Variants in BBS9 observed in about 807,000 individuals in gnomAD.
BBS9 encodes the protein Bardet-Biedl syndrome 9, also known as protein PTHB1.
A neutral mutation model predicts 117.7 loss-of-function variants in BBS9; 89 were observed. That is an observed-to-expected ratio of 0.76 (90% CI 0.64 to 0.90). BBS9 has a LOEUF of 0.90. Among genes scored for constraint, BBS9 ranks in the 40% least tolerant of loss-of-function variants. BBS9 has a pLI of 0.00. For missense variants in BBS9, 982 were observed against 1,042.2 expected, an observed-to-expected ratio of 0.94 and a Z score of 0.80; for synonymous variants, 379 against 370.9, an observed-to-expected ratio of 1.02 and a Z score of -0.25.
At position 33,568,192 on chromosome 7, in the gene BBS9, A is replaced by G. The variant is rs564128266; in HGVS notation, c.2521+34016A>G. 1.9e-3 allele frequency among the ~76,000 whole-genome samples: 293 copies of G among 152,186 alleles called. 3 individuals carry two copies. Among genetic ancestry groups the G allele is most frequent in the African/African-American group, 6.6e-3 (274 of 41,524 alleles). ...CTAGCCTTGTCTCTCAGCACTCCCCATACCAGTGCATGACATGGATTTTTC... is the reference window on the plus strand; with the variant it reads ...CTAGCCTTGTCTCTCAGCACTCCCCGTACCAGTGCATGACATGGATTTTTC... On this transcript the variant is annotated intron_variant, in intron 21 of 22. Transcript: ENST00000242067.
intron 19 of BBS9, among the ~76,000 whole-genome samples, chr7:33,407,664 C>T (rs1439471368): frequency 1.3e-5 from 2 of 152,226 alleles, no homozygotes; most frequent in African/African-American, 4.8e-5. Flanking sequence ...ACAGGACCCT[C>T]AGCTGCAGGT....
chr7:33,296,312 T>A (rs762615595), intron 9 of BBS9, among the ~76,000 whole-genome samples: 24 of 152,318 alleles, frequency 1.6e-4, no homozygotes, highest in Non-Finnish European at 2.8e-4. Context: ...ATACCGTATG[T>A]GTAAAACAAT....
At chr7:33,350,969 C>T (rs773949104) in intron 13 of BBS9, among the ~76,000 whole-genome samples, 35 of 152,192 alleles carry the variant, frequency 2.3e-4, no homozygotes, top group Non-Finnish European at 1.5e-4. Flanking sequence ...GTTGGGATTA[C>T]AGGCGTGAGC....
At chr7:33,314,366 T>G in intron 9 of BBS9, 2 of 374,638 alleles carry the variant, frequency 5.3e-6, no homozygotes, top group Non-Finnish European at 1.0e-5. Context: ...TTCTTGGCAT[T>G]TATACATTCA....
At chr7:33,281,234 T>A (rs1562931674) in intron 9 of BBS9, among the ~76,000 whole-genome samples, 1 of 151,860 alleles carries the variant, frequency 6.6e-6, no homozygotes, top group Non-Finnish European at 1.5e-5. Flanking sequence ...TTTTTTTTGG[T>A]GAGTTAAAAA....
chr7:33,488,093 G>A (rs949848217), intron 19 of BBS9, among the ~76,000 whole-genome samples: 6 of 152,184 alleles, frequency 3.9e-5, no homozygotes, highest in African/African-American at 1.4e-4. Flanking sequence ...TGTCACTCCA[G>A]CTTCAAGCTC....
intron 21 of BBS9, among the ~76,000 whole-genome samples, chr7:33,620,538 G>T (rs1865355147): frequency 6.6e-6 from 1 of 151,688 alleles, no homozygotes; most frequent in Non-Finnish European, 1.5e-5. Context: ...TTTAGCCAAG[G>T]AGGTGAAAGA....
At chr7:33,351,844 C>A (rs1453413534) in intron 14 of BBS9, 1 of 172,010 alleles carries the variant, frequency 5.8e-6, no homozygotes, top group African/African-American at 2.4e-5. Flanking sequence ...GGCCCCACCC[C>A]ATTTCCCCAG....
intron 21 of BBS9, among the ~76,000 whole-genome samples, chr7:33,600,016 T>C (rs1863553709): frequency 6.6e-6 from 1 of 152,190 alleles, no homozygotes; most frequent in South Asian, 2.1e-4. Context: ...GGAAAGCCCA[T>C]TTTGTTGCCA....
intron 9 of BBS9, among the ~76,000 whole-genome samples, chr7:33,328,505 CT>C (rs1430001821): frequency 6.6e-6 from 1 of 152,190 alleles, no homozygotes; most frequent in Non-Finnish European, 1.5e-5. Flanking sequence ...GCTGTGTGAA[CT>C]GAGTGTGGCT....
Position 33,336,352 on chromosome 7 carries a change from T to C in BBS9, c.1017-89T>C. On this transcript the variant is annotated intron_variant, in intron 9 of 22. Coordinates refer to ENST00000242067, the MANE Select transcript of BBS9 (RefSeq NM_198428.3). The stretch of plus-strand genomic sequence containing the variant: ...ATATAGTTATTTTCTTAATGGTGTG[T>C]TGATGCTGAATTGAGTAAAAATGTA... 1.6e-5 allele frequency: 15 copies of C among 925,158 alleles called. No individual in the cohort carries two copies. In the South Asian group the frequency reaches 2.1e-4, roughly 13 times the overall value. The allele number at this position is 925,158 out of a possible 1,614,324, so 57.3% of individuals were successfully genotyped here. A position where few individuals can be genotyped will look rare whatever the true frequency, so the allele number is the denominator to read the frequency against.
Position 33,534,416 on chromosome 7 carries a change from A to G in BBS9, c.2521+240A>G, listed in dbSNP as rs558796061. 178 of 561,612 alleles carry G rather than the reference A, an allele frequency of 3.2e-4. No homozygotes were observed. The African/African-American group carries it at 3.2e-3, about 10-fold the overall frequency. The allele number at this position is 561,612 out of a possible 1,614,324, so 34.8% of individuals were successfully genotyped here. The stretch of plus-strand genomic sequence containing the variant: ...TTTTCTTCTCTCTGCTTTTAAATAT[A>G]TGATCCATTTTGTTTTGCTTCTAAC... On this transcript the variant is annotated intron_variant, in intron 21 of 22. Transcript: ENST00000242067.
chr7:33,262,513 T>C (rs374599632), intron 6 of BBS9, among the ~76,000 whole-genome samples: 2 of 152,136 alleles, frequency 1.3e-5, no homozygotes, highest in East Asian at 1.9e-4. Context: ...ACAATCCTAT[T>C]TGGAGTTCAG....
intron 9 of BBS9, among the ~76,000 whole-genome samples, chr7:33,310,051 T>C (rs996347834): frequency 9.9e-5 from 15 of 152,190 alleles, no homozygotes; most frequent in Admixed American, 2.0e-4. Context: ...ACCTGTACTT[T>C]CCAGTGTCTG....
In BBS9 at chr7:33,330,073, G is replaced by T. The variant is rs74367884; in HGVS notation, c.1017-6368G>T. On this transcript the variant is annotated intron_variant, in intron 9 of 22. Coordinates refer to ENST00000242067, the MANE Select transcript of BBS9 (RefSeq NM_198428.3). ...CTGTCGCCTGGGCTGGAGTGCAGTGGCATGATCTCGGCTCACTGCAACCTC... is the reference window on the plus strand; with the variant it reads ...CTGTCGCCTGGGCTGGAGTGCAGTGTCATGATCTCGGCTCACTGCAACCTC... 0.025 allele frequency among the ~76,000 whole-genome samples: 3,851 copies of T among 151,994 alleles called. 219 individuals are homozygous for T. In the East Asian group the frequency reaches 0.26, roughly 10 times the overall value.
chr7:33,493,716 C>T (rs565351686), intron 19 of BBS9, among the ~76,000 whole-genome samples: 5 of 152,200 alleles, frequency 3.3e-5, no homozygotes, highest in Non-Finnish European at 4.4e-5. Context: ...TCGTAATGGA[C>T]GTCAAGTAGC....
chr7:33,278,827 G>A (rs1273990833), intron 9 of BBS9, among the ~76,000 whole-genome samples: 4 of 152,164 alleles, frequency 2.6e-5, no homozygotes, highest in African/African-American at 9.7e-5. Flanking sequence ...TTGCAAGGGT[G>A]GATCCTGGAT....
chr7:33,404,864 A>C (rs1829628681), intron 19 of BBS9, among the ~76,000 whole-genome samples: 1 of 152,124 alleles, frequency 6.6e-6, no homozygotes, highest in East Asian at 1.9e-4. Context: ...TGCCCTGGCC[A>C]GAACTTCCAA....
intron 19 of BBS9, among the ~76,000 whole-genome samples, chr7:33,389,409 G>T (rs1026188064): frequency 4.6e-5 from 7 of 152,030 alleles, no homozygotes; most frequent in African/African-American, 1.4e-4. Flanking sequence ...TCTTGGTTAG[G>T]CTGGGCATGG....
Sources: allele counts gnomAD v4.1 joint callset (sites outside exome capture counted in the v4.1 genomes callset), GRCh38; gene constraint gnomAD v4.1.1; transcripts MANE v1.5; gene names NCBI Gene and HGNC (gene_info 2026-07-23, HGNC 2026-07-21).